The following RBL2 variants were observed in gnomAD, a reference collection of about 807,000 sequenced individuals.
RBL2 encodes RB transcriptional corepressor like 2, also known as retinoblastoma-like protein 2.
Under a neutral mutation model 126.0 loss-of-function variants are expected in RBL2, and 56 were observed. The ratio of observed to expected loss-of-function variants is 0.44; its 90% CI spans 0.36 to 0.56. The LOEUF (loss-of-function observed/expected upper bound fraction) is 0.56, where lower values mean the gene tolerates loss of function less well. Among genes scored for constraint, RBL2 ranks in the 20% least tolerant of loss-of-function variants. The pLI is 0.00. For missense variants in RBL2, 1,229 were observed against 1,398.2 expected (o/e 0.88, Z 1.93); for synonymous variants, 454 against 478.5 (o/e 0.95, Z 0.67).
rs761697149 is a variant in RBL2, at chr16:53,470,021, C to T, written c.2081C>T (p.Thr694Met). 4.3e-6 allele frequency: 7 copies of T among 1,614,190 alleles called. No individual in the cohort carries two copies. The highest frequency in any genetic ancestry group is 4.2e-6 in the Non-Finnish European group (5 of 1,180,012). Residue 694 changes from threonine (T) to methionine (M), a missense_variant, in exon 15 of 22, where the codon ACG becomes ATG. Around this residue, in one of 2 missense-constraint regions of RBL2, gnomAD observed 1,070 missense variants for 1,274.3 expected, o/e 0.84. Coordinates refer to ENST00000262133, the MANE Select transcript of RBL2 (RefSeq NM_005611.4). ...AATGATAGCCCCTCTGATGGAGGGA[C>T]GCCTGGGCGCATGCCCCCACAGCCC... Reference protein sequence around the residue: ...VENDSPSDGGTPGRMPPQPLV... With the variant: ...VENDSPSDGGMPGRMPPQPLV...
Position 53,454,696 on chromosome 16 carries a change from G to T in RBL2, c.1033G>T (p.Val345Phe), listed in dbSNP as rs765703305. 6.2e-7 allele frequency: 1 copy of T among 1,613,896 alleles called. No homozygotes were observed. Among genetic ancestry groups the T allele is most frequent in the Non-Finnish European group, 8.5e-7 (1 of 1,179,886 alleles). ...NKAYEEYVLS[V>F]GNLDERIFLG... ...GGCCTATGAGGAGTATGTTTTATCT[G>T]TTGGGAATTTAGATGAGCGGATATT... Residue 345 changes from valine to phenylalanine, a missense_variant, in exon 8 of 22, where the codon GTT (valine) becomes TTT (phenylalanine). Coordinates refer to ENST00000262133, the MANE Select transcript of RBL2 (RefSeq NM_005611.4).
At chr16:53,451,899 A>G (rs2153140947) in intron 5 of RBL2, 68 bp downstream of exon 5, 1 of 1,549,362 alleles carries the variant, frequency 6.5e-7, no homozygotes, top group East Asian at 2.3e-5. Flanking sequence ...TTGGAGTTGT[A>G]CAGGTTTCCT....
chr16:53,457,209 T>G (rs1310184311), intron 8 of RBL2, among the ~76,000 whole-genome samples: 1 of 150,702 alleles, frequency 6.6e-6, no homozygotes, highest in Non-Finnish European at 1.5e-5. Context: ...CAGTAGAGGT[T>G]AGGGGTTGTG....
chr16:53,454,568 A>G, intron 7 of RBL2, 88 bp from the exon 8 acceptor site: 1 of 1,232,576 alleles, frequency 8.1e-7, no homozygotes, highest in Non-Finnish European at 1.1e-6. Flanking sequence ...AACTATTAGA[A>G]CTTTTAGTAA....
rs1463365590 is a variant in RBL2 at position 53,479,192 on chromosome 16, T to C, written c.2742T>C (p.Arg914=). ...KEDKSFQNIM[R]CYRTQPQARS... ...ATAAGTCCTTCCAGAACATTATGCG[T>C]TGTTATAGGACTCAGCCGCAGGCCC... The change falls in exon 18 of 22, where the codon CGT becomes CGC. Residue 914 remains arginine, a synonymous_variant. Coordinates refer to ENST00000262133, the MANE Select transcript of RBL2 (RefSeq NM_005611.4). The C allele has an allele frequency of 6.2e-7, 1 of 1,614,018 alleles. No homozygotes were observed. The highest frequency in any genetic ancestry group is 1.1e-5 in the South Asian group (1 of 91,086).
chr16:53,435,857 G>T, intron 1 of RBL2: 1 of 1,039,166 alleles, frequency 9.6e-7, no homozygotes. Flanking sequence ...TCTTTGAATT[G>T]TTAGGTCTGC....
At chr16:53,435,444 G>A (rs2057949132) in intron 1 of RBL2, among the ~76,000 whole-genome samples, 1 of 152,058 alleles carries the variant, frequency 6.6e-6, no homozygotes, top group South Asian at 2.1e-4. Flanking sequence ...AGGGCTTTTT[G>A]GTCACCCCGG....
At chr16:53,479,306 G>A in intron 18 of RBL2, 81 bp downstream of exon 18, 1 of 1,315,686 alleles carries the variant, frequency 7.6e-7, no homozygotes, top group African/African-American at 1.5e-5. Flanking sequence ...AGTTGACTCT[G>A]TGGCCTTTTT....
In RBL2 at chr16:53,434,804, C is replaced by T. The variant is rs756304646; in HGVS notation, c.240+8C>T. 12 of 1,485,750 alleles carry T rather than the reference C, an allele frequency of 8.1e-6. No individual in the cohort carries two copies. In the African/African-American group the frequency reaches 8.6e-5, roughly 11 times the overall value. The allele number at this position is 1,485,750 out of a possible 1,614,324, so 92.0% of individuals were successfully genotyped here. On this transcript the variant is annotated splice_region_variant and intron_variant, in intron 1 of 21. Transcript: ENST00000262133. ...GAAAGCTACACGCTGGAGGTGCGCT[C>T]GCGGGCGGAGGGGCGCTTCCGGCCT...
rs1360094537 is a variant in RBL2 at position 53,479,941 on chromosome 16, G to C, written c.2831G>C (p.Ser944Thr). The change falls in exon 19 of 22, where the codon AGT becomes ACT. Residue 944 changes from serine (S) to threonine (T), a missense_variant. Transcript: ENST00000262133. ...AGAAAAAGAAGAAATTCTGGCAGCAGTGATAGCAGAAGCCATCAGAATTCT... is the reference window on the plus strand; with the variant it reads ...AGAAAAAGAAGAAATTCTGGCAGCACTGATAGCAGAAGCCATCAGAATTCT... ...GKRKRRNSGS[S>T]DSRSHQNSPT... The C allele has an allele frequency of 7.4e-6, 12 of 1,612,148 alleles. No individual in the cohort carries two copies. Among genetic ancestry groups the C allele is most frequent in the Non-Finnish European group, 1.0e-5 (12 of 1,178,720 alleles).
chr16:53,481,624 A>G, intron 20 of RBL2, 47 bp from the exon 21 acceptor site: 1 of 1,420,938 alleles, frequency 7.0e-7, no homozygotes, highest in Non-Finnish European at 9.4e-7. Flanking sequence ...AGTAAAAATA[A>G]TTATAAATTT....
chr16:53,483,478 C>T lies in RBL2; in HGVS notation c.3249+1643C>T, dbSNP rs115378735. Among the ~76,000 whole-genome samples, 1,115 of 152,208 alleles carry T rather than the reference C, an allele frequency of 7.3e-3. 5 individuals are homozygous for T. The highest frequency in any genetic ancestry group is 0.016 in the African/African-American group (678 of 41,520). ...GGCTGAGCCCAAGAGTTCAAGGCTG[C>T]GGTGAGCTATGGTCGTGCCACCACA... On this transcript the variant is annotated intron_variant, in intron 21 of 21. Coordinates refer to ENST00000262133, the MANE Select transcript of RBL2 (RefSeq NM_005611.4).
chr16:53,453,785 TAA>T lies in RBL2; in HGVS notation c.992+19_992+20del, dbSNP rs537397458. ...GAGAGAGTTTGTGAGTACTTCTGTATAAAATGTTTTAATATTTTAAATTGTAT... is the reference window on the plus strand; with the variant it reads ...GAGAGAGTTTGTGAGTACTTCTGTATAATGTTTTAATATTTTAAATTGTAT... On this transcript the variant is annotated intron_variant, in intron 7 of 21. Coordinates refer to ENST00000262133, the MANE Select transcript of RBL2 (RefSeq NM_005611.4). 170 of 1,555,292 alleles carry T rather than the reference TAA, an allele frequency of 1.1e-4. No individual in the cohort carries two copies. The African/African-American group carries it at 2.2e-3, about 20-fold the overall frequency.
chr16:53,464,317 CATTT>C lies in RBL2; in HGVS notation c.1656_1659del (p.Phe552LeufsTer15). 6.3e-7 allele frequency: 1 copy of C among 1,586,576 alleles called. No homozygotes were observed. Among genetic ancestry groups the C allele is most frequent in the Non-Finnish European group, 8.7e-7 (1 of 1,155,704 alleles). The stretch of plus-strand genomic sequence containing the variant: ...TCTTATAAGCCTCCTGGGAATTTTC[CATTT>C]ATTACTGAAATATTTGATGTGCCTC... On this transcript the variant is annotated frameshift_variant, in exon 12 of 22. Transcript: ENST00000262133. LOFTEE classifies it high-confidence loss of function.
intron 17 of RBL2, among the ~76,000 whole-genome samples, chr16:53,476,803 TTATG>T (rs1272023868): frequency 6.6e-6 from 1 of 152,236 alleles, no homozygotes; most frequent in East Asian, 1.9e-4. Flanking sequence ...CCCAGCTTTC[TTATG>T]GTTGCTGTCT....
chr16:53,477,230 T>G (rs906502492), intron 17 of RBL2, among the ~76,000 whole-genome samples: 4 of 152,376 alleles, frequency 2.6e-5, no homozygotes, highest in African/African-American at 9.6e-5. Flanking sequence ...TACATTGTTA[T>G]AATTATTGAT....
chr16:53,455,553 T>G (rs2058158906), intron 8 of RBL2, among the ~76,000 whole-genome samples: 1 of 152,196 alleles, frequency 6.6e-6, no homozygotes, highest in Non-Finnish European at 1.5e-5. Context: ...AAGCTTATAT[T>G]CCAGTGTGGG....
In RBL2 at chr16:53,434,741, C is replaced by T. The variant is rs868838063; in HGVS notation, c.185C>T (p.Ala62Val). Residue 62 changes from alanine to valine, a missense_variant, in exon 1 of 22, where the codon GCG becomes GTG. Coordinates refer to ENST00000262133, the MANE Select transcript of RBL2 (RefSeq NM_005611.4). Reference protein sequence around the residue: ...LCSRLNMDEAARAEAWDSYRS... With the variant: ...LCSRLNMDEAVRAEAWDSYRS... Reference sequence around the variant, plus strand: ...AGCCGCCTCAACATGGACGAGGCGGCGCGGGCCGAGGCCTGGGACAGCTAC... The same window carrying T: ...AGCCGCCTCAACATGGACGAGGCGGTGCGGGCCGAGGCCTGGGACAGCTAC... 3 of 1,543,882 alleles carry T rather than the reference C, an allele frequency of 1.9e-6. No homozygotes were observed. The highest frequency in any genetic ancestry group is 1.8e-4 in the Middle Eastern group (1 of 5,566).
chr16:53,436,117 T>C (rs1163122024), intron 1 of RBL2, among the ~76,000 whole-genome samples: 1 of 152,256 alleles, frequency 6.6e-6, no homozygotes, highest in East Asian at 1.9e-4. Context: ...TCTCAGTGCC[T>C]TTCTGTAGTC....
Sources: gnomAD v4.1 joint callset for allele counts (sites outside exome capture counted in the v4.1 genomes callset) on GRCh38, gnomAD v4.1.1 for gene constraint, gnomAD v4.1.1 regional missense constraint, MANE v1.5 for transcripts, NCBI Gene and HGNC (gene_info 2026-07-23, HGNC 2026-07-21) for gene names.